GFM1: variants seen among roughly 807,000 people sequenced by gnomAD.
GFM1 encodes the protein elongation factor G, mitochondrial.
Under a neutral mutation model 96.2 loss-of-function variants are expected in GFM1, and 62 were observed. That is an observed-to-expected ratio of 0.64 (90% CI 0.53 to 0.80). The LOEUF is 0.80. Among genes scored for constraint, GFM1 ranks in the 30% least tolerant of loss-of-function variants. The pLI, the probability that GFM1 is intolerant of heterozygous loss-of-function variation, is 0.00. For missense variants in GFM1, 852 were observed against 916.6 expected (o/e 0.93, Z 0.91); for synonymous variants, 282 against 312.9 (o/e 0.90, Z 1.04).
chr3:158,683,961 T>G (rs559359756), intron 14 of GFM1, among the ~76,000 whole-genome samples: 57 of 152,262 alleles, frequency 3.7e-4, no homozygotes, highest in African/African-American at 1.4e-3. Context: ...TAAATGCTCA[T>G]CAATGATAGA....
chr3:158,672,855 C>G (rs1724492281), intron 13 of GFM1, among the ~76,000 whole-genome samples: 1 of 152,100 alleles, frequency 6.6e-6, no homozygotes, highest in African/African-American at 2.4e-5. Context: ...TTTCATTAAC[C>G]TTTATAGAAG....
chr3:158,672,389 C>T (rs928960158), intron 13 of GFM1: 5 of 1,614,062 alleles, frequency 3.1e-6, no homozygotes, highest in Non-Finnish European at 3.4e-6. Context: ...CCTCAAACAC[C>T]CTGTGCGGGG....
In GFM1 at chr3:158,652,056, G is replaced by A. The variant is rs180934936; in HGVS notation, c.690-40G>A. 3.4e-4 allele frequency: 534 copies of A among 1,572,058 alleles called. 6 individuals are homozygous for A. In the East Asian group the frequency reaches 0.011, roughly 31 times the overall value. On this transcript the variant is annotated intron_variant, in intron 5 of 17. Transcript: ENST00000486715. ...TTTTCATTAGTCCTTCATATATTAA[G>A]TTGAATATCCTTAAAGCACCAAAAT...
chr3:158,680,365 G>A (rs2108091562), intron 13 of GFM1, among the ~76,000 whole-genome samples: 1 of 152,200 alleles, frequency 6.6e-6, no homozygotes, highest in African/African-American at 2.4e-5. Flanking sequence ...AAATGAAATT[G>A]TCTTTCATAA....
rs529789303 is a variant in GFM1, at chr3:158,677,574, C to T, written c.1602-4421C>T. On this transcript the variant is annotated intron_variant, in intron 13 of 17. Coordinates refer to ENST00000486715, the MANE Select transcript of GFM1 (RefSeq NM_024996.7). ...GGAGTGCAGTGGCACGATCTCGGCT[C>T]ACTACAGTGAGCCTCTGCTTCCTGG... is the stretch of plus-strand genomic sequence containing the variant. 5.3e-5 allele frequency among the ~76,000 whole-genome samples: 8 copies of T among 152,260 alleles called. No homozygotes were observed. The South Asian group carries it at 1.7e-3, about 32-fold the overall frequency.
chr3:158,659,170 C>G (rs931598542), intron 9 of GFM1, 111 bp downstream of exon 9: 1 of 1,242,076 alleles, frequency 8.1e-7, no homozygotes, highest in South Asian at 1.3e-5. Flanking sequence ...ATATATGTTT[C>G]TAGTTTCTTT....
rs1165342392 is a variant in GFM1, at chr3:158,691,868, A to G, written c.*401A>G. The G allele has an allele frequency of 1.1e-5, 2 of 186,034 alleles. No individual in the cohort carries two copies. Among genetic ancestry groups the G allele is most frequent in the African/African-American group, 4.8e-5 (2 of 41,656 alleles). The allele number at this position is 186,034 out of a possible 1,614,324, so 11.5% of individuals were successfully genotyped here. ...CTGAAAAAATGCAAAGAATAACCAC[A>G]TACTTTCCATCTACCTTCCTTTGTT... On this transcript the variant is annotated 3_prime_UTR_variant, in exon 18 of 18. Coordinates refer to ENST00000486715, the MANE Select transcript of GFM1 (RefSeq NM_024996.7).
chr3:158,686,419 A>G (rs1367685633), intron 15 of GFM1, among the ~76,000 whole-genome samples: 1 of 149,104 alleles, frequency 6.7e-6, no homozygotes, highest in Non-Finnish European at 1.5e-5. Flanking sequence ...ATGTGTATAT[A>G]TATAATATAT....
Position 158,693,188 on chromosome 3 carries a change from C to G in GFM1, c.*1721C>G, listed in dbSNP as rs1476469810. The G allele has an allele frequency of 6.6e-6, 1 of 152,156 alleles. No homozygotes were observed. The highest frequency in any genetic ancestry group is 1.5e-5 in the Non-Finnish European group (1 of 68,016). 9.4% of individuals were successfully genotyped at this position (152,156 alleles called of 1,614,324 possible). On this transcript the variant is annotated 3_prime_UTR_variant, in exon 18 of 18. Transcript: ENST00000486715. ...GCATTTCCCCCATGAATGTCTGTTG[C>G]TACAGTAGCATCAGGTCTGAAAAAA...
In GFM1 at chr3:158,691,141, C is replaced by A; in HGVS notation, c.2073C>A (p.Val691=). Reference sequence around the variant, plus strand: ...ATATCTACTATGTTTGTTTTCAGGTCCCTCTAAATGATATGTTTGGTTATT... The same window carrying A: ...ATATCTACTATGTTTGTTTTCAGGTACCTCTAAATGATATGTTTGGTTATT... ...VEDYFTLYAD[V]PLNDMFGYST... is the part of the protein sequence containing the mutation. The change falls in exon 17 of 18, where the codon GTC becomes GTA. Residue 691 remains valine, a splice_region_variant and synonymous_variant. Transcript: ENST00000486715. 6.2e-7 allele frequency: 1 copy of A among 1,606,824 alleles called. No individual in the cohort carries two copies. Among genetic ancestry groups the A allele is most frequent in the Non-Finnish European group, 8.5e-7 (1 of 1,173,568 alleles).
At chr3:158,669,727 C>G (rs1416730837) in intron 13 of GFM1, 1 of 969,524 alleles carries the variant, frequency 1.0e-6, no homozygotes, top group Non-Finnish European at 1.5e-6. Flanking sequence ...GACTAGACTT[C>G]AAAGTGCTTG....
Position 158,653,396 on chromosome 3 carries a change from T to G in GFM1, c.927T>G (p.Leu309=). The change falls in exon 7 of 18, where the codon CTT becomes CTG. Residue 309 remains leucine (L), a synonymous_variant. Transcript: ENST00000486715. ...TGAAGAACAAAGGAGTTCAGCCTCT[T>G]TTAGATGCTGTTTTAGAATACCTCC... is the stretch of plus-strand genomic sequence containing the variant. The part of the protein sequence containing the change: ...SALKNKGVQP[L]LDAVLEYLPN... 1 of 1,611,918 alleles carries G rather than the reference T, an allele frequency of 6.2e-7. No homozygotes were observed. The highest frequency in any genetic ancestry group is 1.7e-5 in the Admixed American group (1 of 60,026).
At chr3:158,661,177 G>A (rs1723171251) in intron 10 of GFM1, among the ~76,000 whole-genome samples, 1 of 152,100 alleles carries the variant, frequency 6.6e-6, no homozygotes, top group Non-Finnish European at 1.5e-5. Context: ...TAACTTACCT[G>A]GTTTTTCATA....
chr3:158,672,544 G>T, intron 13 of GFM1: 1 of 1,590,154 alleles, frequency 6.3e-7, no homozygotes, highest in African/African-American at 1.3e-5. Context: ...GCAGAGCGCC[G>T]CCCGTCCTGC....
Sources: allele counts gnomAD v4.1 joint callset (sites outside exome capture counted in the v4.1 genomes callset), GRCh38; gene constraint gnomAD v4.1.1; transcripts MANE v1.5; gene names NCBI Gene and HGNC (gene_info 2026-07-23, HGNC 2026-07-21).